The following CEACAM7 variants were observed in gnomAD, a reference collection of about 807,000 sequenced individuals.
The protein encoded by CEACAM7 is CEA cell adhesion molecule 7.
Under a neutral mutation model 25.7 loss-of-function variants are expected in CEACAM7, and 24 were observed. That is an observed-to-expected ratio of 0.93 (90% CI 0.68 to 1.31). CEACAM7 has a LOEUF of 1.31. CEACAM7 is among the 40% of genes most tolerant of loss of function. The pLI is 0.00. For missense variants in CEACAM7, 324 were observed against 330.1 expected, an observed-to-expected ratio of 0.98 and a Z score of 0.14; for synonymous variants, 144 against 129.4, an observed-to-expected ratio of 1.11 and a Z score of -0.77.
intron 3 of CEACAM7, among the ~76,000 whole-genome samples, chr19:41,679,883 C>A (rs2072155991): frequency 6.9e-6 from 1 of 145,822 alleles, no homozygotes; most frequent in South Asian, 2.1e-4. Flanking sequence ...CTCACTGCAA[C>A]CTCTGCCTCC....
intron 2 of CEACAM7, among the ~76,000 whole-genome samples, chr19:41,685,456 C>T (rs1206017160): frequency 2.0e-5 from 3 of 152,108 alleles, no homozygotes; most frequent in African/African-American, 7.2e-5. Flanking sequence ...GTCTCAGTCC[C>T]TTGGAGGGAC....
chr19:41,684,449 C>T (rs1420113666), intron 2 of CEACAM7, among the ~76,000 whole-genome samples: 1 of 152,182 alleles, frequency 6.6e-6, no homozygotes, highest in African/African-American at 2.4e-5. Flanking sequence ...TCCTACACCA[C>T]CCAGCCAAGG....
chr19:41,686,786 C>G, intron 2 of CEACAM7, 73 bp downstream of exon 2: 2 of 1,476,694 alleles, frequency 1.4e-6, no homozygotes, highest in African/African-American at 1.4e-5. Context: ...AGGCACAACC[C>G]AGGCCTGACA....
intron 1 of CEACAM7, 91 bp from the exon 2 acceptor site, chr19:41,687,312 C>T: frequency 7.5e-7 from 1 of 1,337,366 alleles, no homozygotes; most frequent in Non-Finnish European, 1.0e-6. Context: ...TCTCTTCACC[C>T]ACCCCCATCT....
intron 3 of CEACAM7, among the ~76,000 whole-genome samples, chr19:41,680,899 CA>C (rs145734165): frequency 0.042 from 6,098 of 143,948 alleles, 402 homozygotes; most frequent in African/African-American, 0.14. Flanking sequence ...GCACAGGCAA[CA>C]AAAAAAAAAC....
At chr19:41,678,310 C>CATGTAT (rs55633841) in intron 3 of CEACAM7, among the ~76,000 whole-genome samples, 19,047 of 144,570 alleles carry the variant, frequency 0.13, 1,353 homozygotes, top group Non-Finnish European at 0.15. Flanking sequence ...CTGTTTCTCC[C>CATGTAT]ATGTATATGT....
chr19:41,684,789 G>A (rs550746612), intron 2 of CEACAM7, among the ~76,000 whole-genome samples: 50 of 152,342 alleles, frequency 3.3e-4, no homozygotes, highest in African/African-American at 1.1e-3. Flanking sequence ...TGTGTGTTAT[G>A]TTAGGAAATT....
rs2072090869 is a variant in CEACAM7 at position 41,674,100 on chromosome 19, AGCAACT to A, written c.*670_*675del. The A allele has an allele frequency of 6.6e-6, 1 of 152,278 alleles. No individual in the cohort carries two copies. Among genetic ancestry groups the A allele is most frequent in the African/African-American group, 2.4e-5 (1 of 41,476 alleles). The allele number at this position is 152,278 out of a possible 1,614,324, so 9.4% of individuals were successfully genotyped here. On this transcript the variant is annotated 3_prime_UTR_variant, in exon 5 of 5. Transcript: ENST00000401731. Reference sequence around the variant, plus strand: ...TTATTTATGTGCAACAAGAAGTGTCAGCAACTGCACAAACTCCTCCCTGTTCAGCTA... The same window carrying A: ...TTATTTATGTGCAACAAGAAGTGTCAGCACAAACTCCTCCCTGTTCAGCTA...
chr19:41,675,017 C>T (rs7250319), intron 4 of CEACAM7, among the ~76,000 whole-genome samples: 4 of 151,926 alleles, frequency 2.6e-5, no homozygotes, highest in Non-Finnish European at 5.9e-5. Flanking sequence ...TCAGATTAAA[C>T]TTTTAGAAAC....
At chr19:41,676,773 TG>T (rs1190490111) in intron 4 of CEACAM7, among the ~76,000 whole-genome samples, 1 of 152,162 alleles carries the variant, frequency 6.6e-6, no homozygotes, top group Non-Finnish European at 1.5e-5. Context: ...AAGGTTACCT[TG>T]TTTTTAGATA....
chr19:41,681,912 G>A (rs1555810731), intron 3 of CEACAM7, among the ~76,000 whole-genome samples: 1 of 152,122 alleles, frequency 6.6e-6, no homozygotes, highest in Non-Finnish European at 1.5e-5. Flanking sequence ...TAGCGGTGAT[G>A]GTTGCACAAC....
chr19:41,679,343 T>C (rs1445168662), intron 3 of CEACAM7, among the ~76,000 whole-genome samples: 5 of 152,160 alleles, frequency 3.3e-5, no homozygotes, highest in African/African-American at 9.7e-5. Flanking sequence ...CTAGGGAGAC[T>C]GAACCAATAA....
rs73934066 is a variant in CEACAM7 at position 41,674,456 on chromosome 19, G to A, written c.*320C>T. 2 of 157,766 alleles carry A rather than the reference G, an allele frequency of 1.3e-5. No homozygotes were observed. The highest frequency in any genetic ancestry group is 1.3e-4 in the Admixed American group (2 of 15,404). The allele number at this position is 157,766 out of a possible 1,614,324, so 9.8% of individuals were successfully genotyped here. On this transcript the variant is annotated 3_prime_UTR_variant, in exon 5 of 5. Transcript: ENST00000401731. Reference sequence around the variant, plus strand: ...AGCAGGGAAAAATGGAGTGGGATAAGAGCCTCGTCACGATGAGGCTTGGGA... The same window carrying A: ...AGCAGGGAAAAATGGAGTGGGATAAAAGCCTCGTCACGATGAGGCTTGGGA...
In CEACAM7 at chr19:41,686,120, G is replaced by A. The variant is rs182390271; in HGVS notation, c.427+739C>T. 5.3e-5 allele frequency among the ~76,000 whole-genome samples: 8 copies of A among 152,254 alleles called. No homozygotes were observed. In the East Asian group the frequency reaches 1.5e-3, roughly 29 times the overall value. On this transcript the variant is annotated intron_variant, in intron 2 of 4. Transcript: ENST00000401731. ...CTCTGATTGTTTGCCTCCAGGAGTGGGTTATTTGGACCTGATTCCTGGTGT... is the reference window on the plus strand; with the variant it reads ...CTCTGATTGTTTGCCTCCAGGAGTGAGTTATTTGGACCTGATTCCTGGTGT...
intron 3 of CEACAM7, among the ~76,000 whole-genome samples, chr19:41,680,188 C>A (rs1356386314): frequency 5.9e-5 from 9 of 151,736 alleles, no homozygotes; most frequent in Admixed American, 5.2e-4. Context: ...AAAATTGATT[C>A]ACATTATCAT....
chr19:41,676,934 C>A (rs552382384), intron 4 of CEACAM7, among the ~76,000 whole-genome samples: 37 of 152,248 alleles, frequency 2.4e-4, no homozygotes, highest in African/African-American at 8.4e-4. Flanking sequence ...GTGAACTTAT[C>A]TAATGGGCTA....
chr19:41,686,065 G>C (rs3786868), intron 2 of CEACAM7, among the ~76,000 whole-genome samples: 68,876 of 152,090 alleles, frequency 0.45, 16,924 homozygotes, highest in Middle Eastern at 0.62. Flanking sequence ...TGAGAGCCCT[G>C]TGTAGAAGAG....
intron 2 of CEACAM7, among the ~76,000 whole-genome samples, chr19:41,685,720 G>A (rs1289084507): frequency 1.3e-5 from 2 of 152,198 alleles, no homozygotes; most frequent in African/African-American, 4.8e-5. Flanking sequence ...AGTGAGGGTA[G>A]GAGTGTGAAT....
intron 3 of CEACAM7, among the ~76,000 whole-genome samples, chr19:41,683,514 G>A (rs902601601): frequency 2.0e-5 from 3 of 152,168 alleles, no homozygotes; most frequent in Admixed American, 6.5e-5. Flanking sequence ...ACCAAACCCC[G>A]ATGTGTTCAC....
Sources: allele counts gnomAD v4.1 joint callset (sites outside exome capture counted in the v4.1 genomes callset), GRCh38; gene constraint gnomAD v4.1.1; transcripts MANE v1.5; gene names NCBI Gene and HGNC (gene_info 2026-07-23, HGNC 2026-07-21).